Variants in LSAMP observed in about 807,000 individuals in gnomAD.
LSAMP encodes limbic system associated membrane protein, also known as limbic system-associated membrane protein.
In LSAMP, 7 loss-of-function variants were observed where a neutral mutation model predicts 38.6. The observed-to-expected ratio is 0.18, with a 90% CI of 0.10 to 0.34. LSAMP has a LOEUF of 0.34. LSAMP is among the 10% of genes least tolerant of loss of function. The pLI, the probability that LSAMP is intolerant of heterozygous loss-of-function variation, is 1.00. For synonymous variants in LSAMP, 154 were observed against 166.8 expected, an observed-to-expected ratio of 0.92 and a Z score of 0.59; for missense variants, 313 against 420.0, an observed-to-expected ratio of 0.75 and a Z score of 2.23.
chr3:116,082,158 T>C (rs1707885737), intron 2 of LSAMP, among the ~76,000 whole-genome samples: 1 of 152,232 alleles, frequency 6.6e-6, no homozygotes. Context: ...CCCTAGTTTT[T>C]GGAGCCAGTA....
At chr3:116,223,698 G>A (rs1353196041) in intron 1 of LSAMP, among the ~76,000 whole-genome samples, 1 of 152,140 alleles carries the variant, frequency 6.6e-6, no homozygotes, top group Non-Finnish European at 1.5e-5. Flanking sequence ...ATTTAATGTT[G>A]ACACTATAGT....
At chr3:116,420,080 T>C (rs2049101263) in intron 1 of LSAMP, among the ~76,000 whole-genome samples, 2 of 152,018 alleles carry the variant, frequency 1.3e-5, no homozygotes, top group South Asian at 2.1e-4. Flanking sequence ...GACCTATTTT[T>C]TCTTTTTCTC....
chr3:116,267,303 T>C (rs2046905102), intron 1 of LSAMP, among the ~76,000 whole-genome samples: 1 of 152,150 alleles, frequency 6.6e-6, no homozygotes, highest in African/African-American at 2.4e-5. Flanking sequence ...GCTGATGACA[T>C]GCATTTTGGA....
At chr3:115,872,290 T>A (rs1936063158) in intron 3 of LSAMP, among the ~76,000 whole-genome samples, 1 of 152,172 alleles carries the variant, frequency 6.6e-6, no homozygotes, top group Admixed American at 6.5e-5. Context: ...GCCTCCATTC[T>A]CCTAAATCAA....
At chr3:116,093,203 C>T (rs1454242149) in intron 1 of LSAMP, among the ~76,000 whole-genome samples, 1 of 152,142 alleles carries the variant, frequency 6.6e-6, no homozygotes, top group African/African-American at 2.4e-5. Context: ...CTGACAATAT[C>T]TGGAGACATT....
chr3:116,040,880 T>G (rs931019270), intron 2 of LSAMP, among the ~76,000 whole-genome samples: 1 of 152,184 alleles, frequency 6.6e-6, no homozygotes, highest in African/African-American at 2.4e-5. Flanking sequence ...TACAGATACA[T>G]GCCGCCATGC....
chr3:115,949,734 A>G (rs1238148762), intron 3 of LSAMP, among the ~76,000 whole-genome samples: 1 of 152,054 alleles, frequency 6.6e-6, no homozygotes, highest in East Asian at 1.9e-4. Context: ...AATAACTCTA[A>G]GAAGCCAGTA....
At chr3:115,836,941 T>C (rs1934808228) in intron 6 of LSAMP, among the ~76,000 whole-genome samples, 1 of 152,114 alleles carries the variant, frequency 6.6e-6, no homozygotes, top group Admixed American at 6.5e-5. Context: ...CCACCATACC[T>C]GGGTAATTCT....
chr3:115,893,262 G>A (rs1036559999), intron 3 of LSAMP, among the ~76,000 whole-genome samples: 4 of 151,892 alleles, frequency 2.6e-5, no homozygotes, highest in African/African-American at 9.7e-5. Flanking sequence ...AAACCTACAC[G>A]TTCTGCACAT....
intron 1 of LSAMP, among the ~76,000 whole-genome samples, chr3:116,186,263 T>A (rs1374957224): frequency 2.6e-5 from 4 of 152,180 alleles, no homozygotes; most frequent in Non-Finnish European, 1.5e-5. Flanking sequence ...CTCTTCTTTA[T>A]ACCTACCCCT....
intron 1 of LSAMP, among the ~76,000 whole-genome samples, chr3:116,110,940 A>G (rs9835031): frequency 0.28 from 42,489 of 151,298 alleles, 7,958 homozygotes; most frequent in African/African-American, 0.54. Flanking sequence ...TATAGGATTT[A>G]GGAAGGTAAT....
At chr3:115,915,954 A>G (rs1937242892) in intron 3 of LSAMP, among the ~76,000 whole-genome samples, 1 of 152,152 alleles carries the variant, frequency 6.6e-6, no homozygotes, top group Non-Finnish European at 1.5e-5. Flanking sequence ...TTGGCCTAGA[A>G]GGAACAGTGC....
chr3:116,335,072 G>GTAA (rs2047901664), intron 1 of LSAMP, among the ~76,000 whole-genome samples: 1 of 151,646 alleles, frequency 6.6e-6, no homozygotes, highest in Admixed American at 6.6e-5. Context: ...GCATTTCTAT[G>GTAA]TAATAATAAT....
chr3:116,402,477 T>A (rs1410682707), intron 1 of LSAMP, among the ~76,000 whole-genome samples: 2 of 152,036 alleles, frequency 1.3e-5, no homozygotes, highest in East Asian at 3.9e-4. Flanking sequence ...TTTAAAAACA[T>A]ACAAACAAAA....
chr3:116,129,296 A>T (rs374675690), intron 1 of LSAMP, among the ~76,000 whole-genome samples: 6 of 152,218 alleles, frequency 3.9e-5, no homozygotes, highest in African/African-American at 1.4e-4. Context: ...AATCATAAAC[A>T]TAAGAATGGC....
chr3:116,100,420 T>C (rs1455645201), intron 1 of LSAMP, among the ~76,000 whole-genome samples: 1 of 152,182 alleles, frequency 6.6e-6, no homozygotes, highest in Non-Finnish European at 1.5e-5. Context: ...ATGTGTCTTA[T>C]GTAGTCATAT....
intron 6 of LSAMP, chr3:115,816,609 C>T: frequency 1.6e-6 from 2 of 1,286,292 alleles, no homozygotes; most frequent in African/African-American, 1.5e-5. Context: ...AAATAAGAAC[C>T]ATACCTTTTT....
intron 1 of LSAMP, among the ~76,000 whole-genome samples, chr3:116,178,374 G>C (rs1345947330): frequency 2.0e-5 from 3 of 152,010 alleles, no homozygotes; most frequent in Non-Finnish European, 4.4e-5. Flanking sequence ...TACCACGTTG[G>C]CCAGGCTGGT....
At chr3:116,293,093 A>T (rs1335858715) in intron 1 of LSAMP, among the ~76,000 whole-genome samples, 2 of 152,164 alleles carry the variant, frequency 1.3e-5, no homozygotes, top group African/African-American at 2.4e-5. Context: ...TTTCTTCAGA[A>T]TGCTCATGTT....
Sources: gnomAD v4.1 joint callset for allele counts (sites outside exome capture counted in the v4.1 genomes callset) on GRCh38, gnomAD v4.1.1 for gene constraint, MANE v1.5 for transcripts, NCBI Gene and HGNC (gene_info 2026-07-23, HGNC 2026-07-21) for gene names.